Variants in CHRM5 observed in about 807,000 individuals in gnomAD.
The protein encoded by CHRM5 is cholinergic receptor muscarinic 5.
A neutral mutation model predicts 39.0 loss-of-function variants in CHRM5; 18 were observed. The ratio of observed to expected loss-of-function variants is 0.46; its 90% confidence interval spans 0.32 to 0.68. The LOEUF is 0.68. CHRM5 is among the 30% of genes least tolerant of loss of function. The pLI is 0.04. For synonymous variants in CHRM5, 241 were observed against 246.3 expected (o/e 0.98, Z 0.20); for missense variants, 515 against 651.1 (o/e 0.79, Z 2.28).
chr15:34,006,996 T>A, intron 1 of CHRM5: 3 of 886,778 alleles, frequency 3.4e-6, no homozygotes, highest in Non-Finnish European at 4.1e-6. Flanking sequence ...CATTTTCATA[T>A]AAATATTGTT....
intron 2 of CHRM5, among the ~76,000 whole-genome samples, chr15:34,049,946 G>A (rs1899874285): frequency 6.7e-6 from 1 of 149,292 alleles, no homozygotes; most frequent in Admixed American, 6.7e-5. Flanking sequence ...GGAGTGCAGT[G>A]GCACAATCTC....
chr15:34,042,124 A>G lies in CHRM5; in HGVS notation c.-407-4416A>G, dbSNP rs146165005. Reference sequence around the variant, plus strand: ...GTCCAAAAATGTGTTATTAAGGTTTAAAAATACCACACAAGTACCTCCTGC... The same window carrying G: ...GTCCAAAAATGTGTTATTAAGGTTTGAAAATACCACACAAGTACCTCCTGC... On this transcript the variant is annotated intron_variant, in intron 1 of 2. Transcript: ENST00000383263. Among the ~76,000 whole-genome samples the G allele has an allele frequency of 2.4e-4, 37 of 152,350 alleles. No homozygotes were observed. In the East Asian group the frequency reaches 6.5e-3, roughly 27 times the overall value.
intron 1 of CHRM5, chr15:34,039,248 C>T (rs888662648): frequency 2.0e-5 from 5 of 251,342 alleles, no homozygotes; most frequent in Admixed American, 6.3e-5. Flanking sequence ...CAGGTGGGGC[C>T]GGAACCGGGA....
intron 1 of CHRM5, chr15:34,038,876 C>A (rs1567483217): frequency 1.7e-6 from 2 of 1,145,332 alleles, no homozygotes; most frequent in African/African-American, 1.7e-5. Flanking sequence ...CGCGGAAGCC[C>A]CGGCCACGGC....
chr15:34,057,865 A>G (rs1900212799), intron 2 of CHRM5, among the ~76,000 whole-genome samples: 1 of 152,240 alleles, frequency 6.6e-6, no homozygotes, highest in South Asian at 2.1e-4. Flanking sequence ...ACCAATGCCA[A>G]ATTGTGATAT....
rs374243717 is a variant in CHRM5 at position 34,008,581 on chromosome 15, C to T, written c.-407-37959C>T. Among the ~76,000 whole-genome samples, 4 of 151,088 alleles carry T rather than the reference C, an allele frequency of 2.6e-5. No individual in the cohort carries two copies. The South Asian group carries it at 8.4e-4, about 32-fold the overall frequency. ...TCGGCTCGCTGCAACCTCCGCCTCC[C>T]GGGTTCAAGTCATTCTTCTGCCTCA... On this transcript the variant is annotated intron_variant, in intron 1 of 2. Coordinates refer to ENST00000383263, the MANE Select transcript of CHRM5 (RefSeq NM_012125.4).
Position 34,062,978 on chromosome 15 carries a change from C to T in CHRM5, c.261C>T (p.Tyr87=), listed in dbSNP as rs1597395701. The T allele has an allele frequency of 6.2e-7, 1 of 1,614,194 alleles. No individual in the cohort carries two copies. Among genetic ancestry groups the T allele is most frequent in the Non-Finnish European group, 8.5e-7 (1 of 1,180,016 alleles). Residue 87 remains tyrosine, a synonymous_variant, in exon 3 of 3, where the codon TAC becomes TAT. Coordinates refer to ENST00000383263, the MANE Select transcript of CHRM5 (RefSeq NM_012125.4). ...TTGGAATCTTCTCCATGAACCTCTA[C>T]ACCACCTACATCCTCATGGGACGCT... ...LIIGIFSMNL[Y]TTYILMGRWA... is the part of the protein sequence containing the mutation.
At chr15:33,975,253 C>T (rs1323504019) in intron 1 of CHRM5, among the ~76,000 whole-genome samples, 1 of 152,152 alleles carries the variant, frequency 6.6e-6, no homozygotes, top group Non-Finnish European at 1.5e-5. Context: ...TATTCTTCTC[C>T]ATTTTAATGC....
chr15:33,971,256 C>T (rs922568707), intron 1 of CHRM5, among the ~76,000 whole-genome samples: 2 of 151,958 alleles, frequency 1.3e-5, no homozygotes, highest in Admixed American at 6.6e-5. Context: ...CTACTTGTTT[C>T]TGCAATTTAG....
At chr15:34,047,972 C>G (rs763298050) in intron 2 of CHRM5, among the ~76,000 whole-genome samples, 2 of 152,004 alleles carry the variant, frequency 1.3e-5, no homozygotes, top group East Asian at 1.9e-4. Context: ...ACAATAGGAC[C>G]AAGTGAGTGG....
chr15:34,045,225 C>G (rs1899642405), intron 1 of CHRM5, among the ~76,000 whole-genome samples: 1 of 152,184 alleles, frequency 6.6e-6, no homozygotes, highest in Non-Finnish European at 1.5e-5. Context: ...ATATGCCCCA[C>G]AGCAGCTGGC....
At chr15:34,003,096 C>G (rs202188583) in intron 1 of CHRM5, 6 of 1,613,874 alleles carry the variant, frequency 3.7e-6, no homozygotes, top group Non-Finnish European at 5.1e-6. Context: ...CATTATTGAC[C>G]TCTTTTTCAA....
rs530287060 is a variant in CHRM5, at chr15:33,968,547, C to G, written c.-1011C>G. 3.5e-4 allele frequency among the ~76,000 whole-genome samples: 53 copies of G among 152,212 alleles called. No homozygotes were observed. The highest frequency in any genetic ancestry group is 1.3e-3 in the African/African-American group (53 of 41,556). On this transcript the variant is annotated 5_prime_UTR_variant, in exon 1 of 3. Coordinates refer to ENST00000383263, the MANE Select transcript of CHRM5 (RefSeq NM_012125.4). ...CAGAGACATGATAAAGCCGTACTTC[C>G]TTCTGGATTTTTACCTCACTATTCA...
At chr15:33,993,457 G>T (rs1896809346) in intron 1 of CHRM5, among the ~76,000 whole-genome samples, 1 of 152,082 alleles carries the variant, frequency 6.6e-6, no homozygotes, top group African/African-American at 2.4e-5. Flanking sequence ...AACAAACAGA[G>T]CAGGCAATGC....
chr15:33,995,583 C>T (rs1271872767), intron 1 of CHRM5, among the ~76,000 whole-genome samples: 6 of 152,078 alleles, frequency 3.9e-5, no homozygotes, highest in Non-Finnish European at 7.4e-5. Context: ...GCAACAAAAC[C>T]AAAAATTGAC....
intron 1 of CHRM5, among the ~76,000 whole-genome samples, chr15:33,971,667 A>G (rs1187860295): frequency 6.6e-6 from 1 of 152,114 alleles, no homozygotes; most frequent in African/African-American, 2.4e-5. Context: ...CATTAAATAT[A>G]TATTTACTTA....
chr15:33,986,145 C>T (rs1282180095), intron 1 of CHRM5, among the ~76,000 whole-genome samples: 3 of 151,294 alleles, frequency 2.0e-5, no homozygotes, highest in South Asian at 2.1e-4. Context: ...CTCGCTCTGT[C>T]GCCCAGGCTG....
intron 1 of CHRM5, among the ~76,000 whole-genome samples, chr15:34,000,939 G>C (rs1897114206): frequency 6.6e-6 from 1 of 151,898 alleles, no homozygotes; most frequent in African/African-American, 2.4e-5. Flanking sequence ...ATCCATGCCA[G>C]GTTTTTAATT....
chr15:34,008,723 C>T (rs572640005), intron 1 of CHRM5, among the ~76,000 whole-genome samples: 46 of 152,020 alleles, frequency 3.0e-4, no homozygotes, highest in Non-Finnish European at 5.7e-4. Flanking sequence ...CTCCTGACCT[C>T]GTGATCTGCC....
Sources: allele counts gnomAD v4.1 joint callset (sites outside exome capture counted in the v4.1 genomes callset), GRCh38; gene constraint gnomAD v4.1.1; transcripts MANE v1.5; gene names NCBI Gene and HGNC (gene_info 2026-07-23, HGNC 2026-07-21).